The following NIPBL variants were observed in gnomAD, a reference collection of about 807,000 sequenced individuals.
NIPBL encodes the protein NIPBL cohesin loading factor, also known as nipped-B-like protein.
In NIPBL, 19 loss-of-function variants were observed where a neutral mutation model predicts 321.8. That is an observed-to-expected ratio of 0.06 (90% CI 0.04 to 0.09). The LOEUF (loss-of-function observed/expected upper bound fraction) is 0.09, where lower values mean the gene tolerates loss of function less well. NIPBL is among the 10% of genes least tolerant of loss of function. NIPBL has a pLI of 1.00. For synonymous variants in NIPBL, 1,106 were observed against 1,114.1 expected, an observed-to-expected ratio of 0.99 and a Z score of 0.14; for missense variants, 2,210 against 3,327.0, an observed-to-expected ratio of 0.66 and a Z score of 8.26.
intron 1 of NIPBL, among the ~76,000 whole-genome samples, chr5:36,947,336 A>C (rs1739798534): frequency 6.6e-6 from 1 of 152,054 alleles, no homozygotes; most frequent in Admixed American, 6.6e-5. Context: ...GTCCAAAATC[A>C]CACCATGGTT....
At chr5:36,905,742 T>C (rs1747581092) in intron 1 of NIPBL, among the ~76,000 whole-genome samples, 1 of 151,810 alleles carries the variant, frequency 6.6e-6, no homozygotes, top group Non-Finnish European at 1.5e-5. Context: ...ACTATGTTTT[T>C]GTTTTTGTGT....
intron 1 of NIPBL, among the ~76,000 whole-genome samples, chr5:36,948,852 A>G (rs973988750): frequency 6.6e-6 from 1 of 151,882 alleles, no homozygotes; most frequent in Non-Finnish European, 1.5e-5. Flanking sequence ...TCCTAACTCC[A>G]TAAAGCCAGA....
Position 36,971,036 on chromosome 5 carries a change from C to T in NIPBL, c.771C>T (p.Asp257=), listed in dbSNP as rs771594948. 1.2e-5 allele frequency: 19 copies of T among 1,608,034 alleles called. No individual in the cohort carries two copies. The highest frequency in any genetic ancestry group is 1.6e-4 in the Middle Eastern group (1 of 6,072). The change falls in exon 7 of 47, where the codon GAC becomes GAT. Residue 257 remains aspartate (D), a splice_region_variant and synonymous_variant. Transcript: ENST00000282516. ...ACATGGTGCACAGGCTAAGTAGTGA[C>T]GTATGTAATATATTATCATTAAGGT... ...YLHMVHRLSS[D]DGDSSTMRNA...
chr5:36,960,909 A>G (rs529931356), intron 4 of NIPBL, among the ~76,000 whole-genome samples: 58 of 152,306 alleles, frequency 3.8e-4, no homozygotes, highest in African/African-American at 1.4e-3. Context: ...AATCCCTACT[A>G]TGTGACAAAG....
chr5:37,028,625 C>T (rs1237055773), intron 32 of NIPBL, among the ~76,000 whole-genome samples: 3 of 152,132 alleles, frequency 2.0e-5, no homozygotes, highest in South Asian at 2.1e-4. Context: ...CAGGTGTGGG[C>T]CACCATGCCC....
intron 33 of NIPBL, among the ~76,000 whole-genome samples, chr5:37,038,158 T>G (rs1315066057): frequency 1.3e-5 from 2 of 151,906 alleles, no homozygotes; most frequent in Non-Finnish European, 2.9e-5. Context: ...CCGGGCTAAT[T>G]TTTTATTTTT....
At chr5:36,907,320 G>T (rs957135458) in intron 1 of NIPBL, among the ~76,000 whole-genome samples, 2 of 152,094 alleles carry the variant, frequency 1.3e-5, no homozygotes, top group African/African-American at 4.8e-5. Flanking sequence ...TGTTAGGTGA[G>T]TCCCATATAT....
In NIPBL at chr5:37,000,394, A is replaced by G; in HGVS notation, c.3326A>G (p.Lys1109Arg). Residue 1109 changes from lysine to arginine, a missense_variant, in exon 12 of 47, where the codon AAA (lysine) becomes AGA (arginine). Lys to Arg is a conservative substitution (Grantham distance 26, BLOSUM62 2). This residue lies in a region of NIPBL where 381 missense variants were observed against 642.3 expected (regional missense o/e 0.59). Coordinates refer to ENST00000282516, the MANE Select transcript of NIPBL (RefSeq NM_133433.4). ...AFESSRKRHK[K>R]DDDKAWEYEE... is the part of the protein sequence containing the mutation. Reference sequence around the variant, plus strand: ...CTAGCCTCTAGGAAACGACATAAAAAAGATGATGATAAAGCTTGGGAATAT... The same window carrying G: ...CTAGCCTCTAGGAAACGACATAAAAGAGATGATGATAAAGCTTGGGAATAT... The G allele has an allele frequency of 6.2e-7, 1 of 1,613,046 alleles. No homozygotes were observed. The highest frequency in any genetic ancestry group is 8.5e-7 in the Non-Finnish European group (1 of 1,179,298).
chr5:37,046,759 G>T (rs560747328), intron 38 of NIPBL, among the ~76,000 whole-genome samples: 11 of 152,260 alleles, frequency 7.2e-5, no homozygotes, highest in Admixed American at 2.6e-4. Context: ...TGTTAGGCAG[G>T]TCTATGTGGC....
intron 1 of NIPBL, among the ~76,000 whole-genome samples, chr5:36,894,821 C>G (rs1304178094): frequency 1.3e-5 from 2 of 152,252 alleles, no homozygotes; most frequent in African/African-American, 2.4e-5. Context: ...GTATATCAAG[C>G]TAAAGTTTAT....
intron 1 of NIPBL, among the ~76,000 whole-genome samples, chr5:36,882,213 G>A (rs1206092508): frequency 6.6e-6 from 1 of 151,788 alleles, no homozygotes; most frequent in African/African-American, 2.4e-5. Context: ...ATTTTCTGGG[G>A]TGAATTTGAG....
At chr5:36,997,875 TGAGA>T (rs143902224) in intron 11 of NIPBL, among the ~76,000 whole-genome samples, 2 of 152,108 alleles carry the variant, frequency 1.3e-5, no homozygotes, top group Admixed American at 6.6e-5. Flanking sequence ...ATTATGCTGC[TGAGA>T]GAGAGAAAAA....
At chr5:36,954,666 C>T (rs1313952442) in intron 2 of NIPBL, among the ~76,000 whole-genome samples, 2 of 152,014 alleles carry the variant, frequency 1.3e-5, no homozygotes, top group African/African-American at 4.8e-5. Flanking sequence ...CCAGGAAGCC[C>T]TGTTCATTAA....
Position 36,902,590 on chromosome 5 carries a change from C to G in NIPBL, c.-80+25412C>G, listed in dbSNP as rs575740934. On this transcript the variant is annotated intron_variant, in intron 1 of 46. Transcript: ENST00000282516. ...CTTTATTTCTGGGCTCTCACCTGTT[C>G]CATTTGTCTGTGTATCTGTTTTTGT... 2.0e-5 allele frequency among the ~76,000 whole-genome samples: 3 copies of G among 152,188 alleles called. No homozygotes were observed. In the East Asian group the frequency reaches 5.8e-4, roughly 29 times the overall value.
chr5:36,886,044 T>A, intron 1 of NIPBL: 1 of 712,294 alleles, frequency 1.4e-6, no homozygotes, highest in Admixed American at 1.8e-5. Flanking sequence ...AGCACCACAG[T>A]GGTCACCACT....
chr5:36,913,933 T>C (rs1748246229), intron 1 of NIPBL, among the ~76,000 whole-genome samples: 2 of 152,232 alleles, frequency 1.3e-5, no homozygotes, highest in Admixed American at 1.3e-4. Flanking sequence ...ATCTCAGTTA[T>C]TTAATACAAC....
At chr5:36,968,968 C>G (rs1036601281) in intron 6 of NIPBL, among the ~76,000 whole-genome samples, 2 of 152,162 alleles carry the variant, frequency 1.3e-5, no homozygotes, top group Non-Finnish European at 2.9e-5. Flanking sequence ...AAGCATTCCA[C>G]TTAGTTACTG....
intron 1 of NIPBL, among the ~76,000 whole-genome samples, chr5:36,883,203 C>A (rs1484430921): frequency 1.3e-5 from 2 of 151,726 alleles, no homozygotes; most frequent in Admixed American, 6.6e-5. Flanking sequence ...ATTGAATTTT[C>A]AAAATAATTC....
intron 43 of NIPBL, among the ~76,000 whole-genome samples, chr5:37,057,948 A>T (rs1754276192): frequency 6.6e-6 from 1 of 152,214 alleles, no homozygotes; most frequent in Non-Finnish European, 1.5e-5. Flanking sequence ...ATTCTCATGT[A>T]TCTAATGATC....
Sources: gnomAD v4.1 joint callset for allele counts (sites outside exome capture counted in the v4.1 genomes callset) on GRCh38, gnomAD v4.1.1 for gene constraint, gnomAD v4.1.1 regional missense constraint, MANE v1.5 for transcripts, NCBI Gene and HGNC (gene_info 2026-07-23, HGNC 2026-07-21) for gene names.